Variants in HDAC4 observed in about 807,000 individuals in gnomAD.
HDAC4 encodes the protein histone deacetylase A.
A neutral mutation model predicts 135.1 loss-of-function variants in HDAC4; 16 were observed. The observed-to-expected ratio is 0.12, with a 90% confidence interval of 0.08 to 0.18. The LOEUF is 0.18. HDAC4 is among the 10% of genes least tolerant of loss of function. The pLI, the probability that HDAC4 is intolerant of heterozygous loss-of-function variation, is 1.00. For missense variants in HDAC4, 1,143 were observed against 1,511.8 expected (o/e 0.76, Z 4.05); for synonymous variants, 685 against 653.4 (o/e 1.05, Z -0.74).
chr2:239,124,040 G>C (rs777522667), intron 12 of HDAC4, among the ~76,000 whole-genome samples: 1 of 152,106 alleles, frequency 6.6e-6, no homozygotes, highest in Non-Finnish European at 1.5e-5. Flanking sequence ...TTTCACAGGA[G>C]AGACAATAAA....
chr2:239,391,244 C>A (rs1037586233), intron 1 of HDAC4, among the ~76,000 whole-genome samples: 1 of 152,186 alleles, frequency 6.6e-6, no homozygotes, highest in Non-Finnish European at 1.5e-5. Context: ...GGAAGCATCA[C>A]GGTGCTTCTG....
chr2:239,284,981 G>C (rs2051052464), intron 2 of HDAC4, among the ~76,000 whole-genome samples: 1 of 152,208 alleles, frequency 6.6e-6, no homozygotes. Context: ...TATTCACAAT[G>C]AAAGGAGAGA....
At chr2:239,173,002 A>C (rs2043549943) in intron 5 of HDAC4, among the ~76,000 whole-genome samples, 1 of 152,238 alleles carries the variant, frequency 6.6e-6, no homozygotes, top group South Asian at 2.1e-4. Context: ...AAAATTGAAT[A>C]AGTAATCAAA....
intron 3 of HDAC4, among the ~76,000 whole-genome samples, chr2:239,202,631 G>C (rs1258536712): frequency 1.3e-5 from 2 of 152,110 alleles, no homozygotes; most frequent in African/African-American, 4.8e-5. Context: ...TCATCACAGG[G>C]ACAGGATGCA....
rs936940536 is a variant in HDAC4, at chr2:239,139,905, C to T, written c.866-109G>A. 6 of 789,278 alleles carry T rather than the reference C, an allele frequency of 7.6e-6. No homozygotes were observed. Among genetic ancestry groups the T allele is most frequent in the South Asian group, 2.9e-5 (2 of 68,156 alleles). The allele number at this position is 789,278 out of a possible 1,614,324, so 48.9% of individuals were successfully genotyped here. The stretch of plus-strand genomic sequence containing the variant: ...TTCCACGGACCTGCTCGTTAGCTTG[C>T]GACAGGCAGAAGTCCCAACAAAAAG... On this transcript the variant is annotated intron_variant, in intron 8 of 26. Transcript: ENST00000543185. This position sits in a 1 kb window ranked among gnomAD's most constrained non-coding sequence, Gnocchi z 5.3.
At chr2:239,282,312 T>A (rs1256891932) in intron 2 of HDAC4, among the ~76,000 whole-genome samples, 1 of 136,786 alleles carries the variant, frequency 7.3e-6, no homozygotes, top group Admixed American at 7.2e-5. Context: ...ACACACAATG[T>A]ACACACCACT....
chr2:239,168,645 C>T (rs994232998), intron 5 of HDAC4, among the ~76,000 whole-genome samples: 2 of 152,224 alleles, frequency 1.3e-5, no homozygotes, highest in East Asian at 1.9e-4. Flanking sequence ...GTGTCCCCCG[C>T]GCCGGCCCGC....
chr2:239,191,903 A>G (rs969145401), intron 3 of HDAC4, among the ~76,000 whole-genome samples: 1 of 152,210 alleles, frequency 6.6e-6, no homozygotes, highest in African/African-American at 2.4e-5. Flanking sequence ...GCTTCTGAAT[A>G]TATCTGATCA....
intron 2 of HDAC4, among the ~76,000 whole-genome samples, chr2:239,248,442 A>C (rs1318333986): frequency 2.6e-5 from 4 of 152,102 alleles, no homozygotes; most frequent in Admixed American, 1.3e-4. Context: ...AACCTCCCAA[A>C]GTGCTGGGAT....
intron 18 of HDAC4, among the ~76,000 whole-genome samples, chr2:239,088,321 G>A (rs1007222094): frequency 7.2e-5 from 11 of 152,214 alleles, no homozygotes; most frequent in African/African-American, 2.4e-4. Flanking sequence ...AAAAAGTGCC[G>A]GCCAACCATG....
Position 239,173,188 on chromosome 2 carries a change from C to T in HDAC4, c.490+3225G>A, listed in dbSNP as rs192876355. ...GCACAGTCATGACACCAAAACTTGA[C>T]GAGGACATTATGAGAAAGGAAACTG... On this transcript the variant is annotated intron_variant, in intron 5 of 26. Transcript: ENST00000543185. 4.5e-3 allele frequency among the ~76,000 whole-genome samples: 680 copies of T among 152,206 alleles called. 3 individuals carry two copies. The highest frequency in any genetic ancestry group is 0.01 in the Middle Eastern group (3 of 294).
At chr2:239,096,267 A>C (rs2037020634) in intron 16 of HDAC4, among the ~76,000 whole-genome samples, 1 of 151,994 alleles carries the variant, frequency 6.6e-6, no homozygotes, top group Non-Finnish European at 1.5e-5. Flanking sequence ...GCTGCAGGAG[A>C]GTGGCTGGCA....
intron 2 of HDAC4, among the ~76,000 whole-genome samples, chr2:239,254,089 T>A (rs909559361): frequency 6.6e-6 from 1 of 152,200 alleles, no homozygotes; most frequent in Non-Finnish European, 1.5e-5. Flanking sequence ...CAGATTCATA[T>A]TCTTTGAGTA....
chr2:239,144,949 A>G (rs754436199), intron 7 of HDAC4, among the ~76,000 whole-genome samples: 2 of 152,230 alleles, frequency 1.3e-5, no homozygotes, highest in Non-Finnish European at 2.9e-5. Flanking sequence ...CTGTGGCCAC[A>G]GCATTATGCA....
chr2:239,301,183 G>A (rs569946126), intron 2 of HDAC4, among the ~76,000 whole-genome samples: 49 of 152,324 alleles, frequency 3.2e-4, no homozygotes, highest in African/African-American at 9.4e-4. Flanking sequence ...CTTACTCAGC[G>A]GCAGAAGGCC....
intron 1 of HDAC4, among the ~76,000 whole-genome samples, chr2:239,361,845 C>A (rs1348348129): frequency 1.3e-5 from 2 of 152,128 alleles, no homozygotes; most frequent in South Asian, 2.1e-4. Flanking sequence ...TGATCTAGTT[C>A]TTTTTATCTT....
chr2:239,296,854 C>A (rs183004356), intron 2 of HDAC4, among the ~76,000 whole-genome samples: 112 of 152,184 alleles, frequency 7.4e-4, no homozygotes, highest in Non-Finnish European at 1.3e-3. Flanking sequence ...ATTAAACTCA[C>A]TCACCAGGTC....
chr2:239,307,992 G>A lies in HDAC4; in HGVS notation c.22+44686C>T, dbSNP rs367773151. 2.0e-5 allele frequency among the ~76,000 whole-genome samples: 3 copies of A among 152,066 alleles called. No individual in the cohort carries two copies. Among genetic ancestry groups the A allele is most frequent in the African/African-American group, 4.8e-5 (2 of 41,382 alleles). On this transcript the variant is annotated intron_variant, in intron 2 of 26. Coordinates refer to ENST00000543185, the MANE Select transcript of HDAC4 (RefSeq NM_001378414.1). The surrounding 1 kb of genome is among the most constrained non-coding windows in gnomAD (Gnocchi z 4.8). ...TGTCCCCATCCCCCCCAAAGTGAGC[G>A]GCCACACAGCAATGAGTGGCCACAC... is the stretch of plus-strand genomic sequence containing the variant.
At chr2:239,123,711 A>T (rs1183801523) in intron 12 of HDAC4, among the ~76,000 whole-genome samples, 1 of 152,182 alleles carries the variant, frequency 6.6e-6, no homozygotes, top group Non-Finnish European at 1.5e-5. Flanking sequence ...GTGGGGCTTG[A>T]GAGAAGGAAA....
Sources: allele counts gnomAD v4.1 joint callset (sites outside exome capture counted in the v4.1 genomes callset), GRCh38; gene constraint gnomAD v4.1.1; non-coding constraint Gnocchi (gnomAD v3.1); transcripts MANE v1.5; gene names NCBI Gene and HGNC (gene_info 2026-07-23, HGNC 2026-07-21).